Variants in MEOX1 observed in about 807,000 individuals in gnomAD.
The protein encoded by MEOX1 is mesenchyme homeobox 1, also known as homeobox protein MOX-1.
Under a neutral mutation model 23.2 loss-of-function variants are expected in MEOX1, and 17 were observed. The observed-to-expected ratio is 0.73, with a 90% CI of 0.50 to 1.10. The LOEUF is 1.10. MEOX1 is among the 50% of genes least tolerant of loss of function. The pLI, the probability that MEOX1 is intolerant of heterozygous loss-of-function variation, is 0.00. For missense variants in MEOX1, 333 were observed against 332.2 expected (o/e 1.00, Z -0.02); for synonymous variants, 134 against 135.1 (o/e 0.99, Z 0.06).
rs747977868 is a variant in MEOX1, at chr17:43,643,516, G to T, written c.614C>A (p.Ala205Glu). The change falls in exon 2 of 3, where the codon GCG becomes GAG. Residue 205 changes from alanine (A) to glutamate (E), a missense_variant. Coordinates refer to ENST00000318579, the MANE Select transcript of MEOX1 (RefSeq NM_004527.4). ...GCGCTCAGAGAGGTCCAGGTTTACCGCAATCTCATATCTGCGGAGCCGAGT... is the reference window on the plus strand; with the variant it reads ...GCGCTCAGAGAGGTCCAGGTTTACCTCAATCTCATATCTGCGGAGCCGAGT... ...YLTRLRRYEI[A>E]VNLDLSERQV... 6.2e-7 allele frequency: 1 copy of T among 1,602,366 alleles called. No individual in the cohort carries two copies.
chr17:43,646,221 A>T (rs1157943349), intron 1 of MEOX1, among the ~76,000 whole-genome samples: 4 of 151,990 alleles, frequency 2.6e-5, no homozygotes, highest in Non-Finnish European at 2.9e-5. Flanking sequence ...CGGAAGCGGG[A>T]GCGTGGGCAG....
chr17:43,652,016 C>T (rs1485492475), intron 1 of MEOX1, among the ~76,000 whole-genome samples: 1 of 152,176 alleles, frequency 6.6e-6, no homozygotes, highest in African/African-American at 2.4e-5. Context: ...CCTCTGAGTT[C>T]AGATGGTGGC....
At position 43,661,113 on chromosome 17, in the gene MEOX1, G is replaced by A. The variant is rs774122423; in HGVS notation, c.422C>T (p.Ala141Val). The A allele has an allele frequency of 1.3e-6, 2 of 1,507,292 alleles. No individual in the cohort carries two copies. The highest frequency in any genetic ancestry group is 1.4e-5 in the South Asian group (1 of 73,320). The allele number at this position is 1,507,292 out of a possible 1,614,324, so 93.4% of individuals were successfully genotyped here. A position where few individuals can be genotyped will look rare whatever the true frequency, so the allele number is the denominator to read the frequency against. Residue 141 changes from alanine (A) to valine (V), a missense_variant, in exon 1 of 3, where the codon GCC becomes GTC. Physicochemically the swap from Ala to Val is moderately conservative, Grantham distance 64. Coordinates refer to ENST00000318579, the MANE Select transcript of MEOX1 (RefSeq NM_004527.4). ...GGATGATTTCTTCTCTGTCTCATTG[G>A]CAGTGCTCCCAAGCACCCCGTAGTC... ...GDDYGVLGST[A>V]NETEKKSSRR...
At position 43,655,349 on chromosome 17, in the gene MEOX1, T is replaced by TA. The variant is rs1329016749; in HGVS notation, c.469+5716dup. Among the ~76,000 whole-genome samples the TA allele has an allele frequency of 5.9e-5, 9 of 151,754 alleles. No individual in the cohort carries two copies. The South Asian group carries it at 1.0e-3, about 18-fold the overall frequency. ...AGCTGGGCGTGGTGGCGTGTGCCTG[T>TA]AGTCCCAGCTACTTGGGAGGCTGAG... On this transcript the variant is annotated intron_variant, in intron 1 of 2. Coordinates refer to ENST00000318579, the MANE Select transcript of MEOX1 (RefSeq NM_004527.4).
chr17:43,646,378 C>T (rs149678877), intron 1 of MEOX1, among the ~76,000 whole-genome samples: 2 of 152,314 alleles, frequency 1.3e-5, no homozygotes, highest in African/African-American at 2.4e-5. Context: ...GCCCGGCCCA[C>T]GGGCCCGGAG....
At chr17:43,657,171 T>TTTC (rs1973052498) in intron 1 of MEOX1, among the ~76,000 whole-genome samples, 6 of 1,852 alleles carry the variant, frequency 3.2e-3, no homozygotes, top group South Asian at 0.012. Context: ...TCTTTCTTTC[T>TTTC]TTTTTTTTTT....
At chr17:43,657,070 CTTT>C in intron 1 of MEOX1, among the ~76,000 whole-genome samples, 3 of 113,492 alleles carry the variant, frequency 2.6e-5, no homozygotes, top group African/African-American at 8.3e-5. Flanking sequence ...TTCCTTCCTT[CTTT>C]CTTTCTTTTC....
chr17:43,659,228 A>AG (rs1973096462), intron 1 of MEOX1, among the ~76,000 whole-genome samples: 1 of 152,230 alleles, frequency 6.6e-6, no homozygotes, highest in Non-Finnish European at 1.5e-5. Context: ...AAGGAGCCAC[A>AG]GTGCTGCGTG....
intron 2 of MEOX1, 52 bp downstream of exon 2, chr17:43,643,436 A>G: frequency 6.8e-7 from 1 of 1,471,404 alleles, no homozygotes; most frequent in Non-Finnish European, 9.2e-7. Flanking sequence ...GAAAGGAGGG[A>G]AGGGAGGGAG....
chr17:43,651,632 T>C (rs989496197), intron 1 of MEOX1, among the ~76,000 whole-genome samples: 4 of 152,160 alleles, frequency 2.6e-5, no homozygotes, highest in African/African-American at 9.7e-5. Flanking sequence ...GCCCAAGTTA[T>C]GGGCAGAGAG....
chr17:43,641,816 C>G lies in MEOX1; in HGVS notation c.*94G>C. On this transcript the variant is annotated 3_prime_UTR_variant, in exon 3 of 3. Transcript: ENST00000318579. ...CAGGGAAAGATGTGGAGAGGCTGCC[C>G]TGGCTGGGGAAGGAAGAGGGTGAAG... The G allele has an allele frequency of 7.4e-7, 1 of 1,355,368 alleles. No individual in the cohort carries two copies. The highest frequency in any genetic ancestry group is 1.4e-5 in the South Asian group (1 of 72,500). 84.0% of individuals were successfully genotyped at this position (1,355,368 alleles called of 1,614,324 possible).
chr17:43,648,599 T>G (rs1331346810), intron 1 of MEOX1, among the ~76,000 whole-genome samples: 1 of 152,082 alleles, frequency 6.6e-6, no homozygotes, highest in African/African-American at 2.4e-5. Flanking sequence ...TGTGTAGAAG[T>G]ATGGGATTGG....
intron 1 of MEOX1, among the ~76,000 whole-genome samples, chr17:43,644,779 G>A (rs921387588): frequency 1.3e-5 from 2 of 152,316 alleles, no homozygotes; most frequent in East Asian, 3.9e-4. Flanking sequence ...AGCTGGGCGC[G>A]GTGGCACGCC....
At chr17:43,646,009 G>A (rs1031241642) in intron 1 of MEOX1, among the ~76,000 whole-genome samples, 1 of 152,226 alleles carries the variant, frequency 6.6e-6, no homozygotes, top group Non-Finnish European at 1.5e-5. Flanking sequence ...CCGGGAACTC[G>A]AGAAGGCGGG....
At chr17:43,645,394 A>G (rs538700182) in intron 1 of MEOX1, among the ~76,000 whole-genome samples, 43 of 152,012 alleles carry the variant, frequency 2.8e-4, no homozygotes, top group Non-Finnish European at 4.7e-4. Flanking sequence ...AGCCAGGATG[A>G]TCTCGATCTC....
intron 1 of MEOX1, among the ~76,000 whole-genome samples, chr17:43,646,274 C>T (rs1972812377): frequency 6.6e-6 from 1 of 152,100 alleles, no homozygotes; most frequent in Non-Finnish European, 1.5e-5. Context: ...CCCGAGGAGC[C>T]CTCCGGCCTT....
At chr17:43,644,078 T>G (rs543935280) in intron 1 of MEOX1, among the ~76,000 whole-genome samples, 11 of 152,280 alleles carry the variant, frequency 7.2e-5, no homozygotes, top group African/African-American at 2.4e-4. Flanking sequence ...ACCTGAGAGC[T>G]TGTTACAAAT....
chr17:43,642,059 T>C, intron 2 of MEOX1, 27 bp from the exon 3 acceptor site: 1 of 1,606,570 alleles, frequency 6.2e-7, no homozygotes, highest in Non-Finnish European at 8.5e-7. Context: ...AGGAGCCTGG[T>C]CACTCCAGGG....
At chr17:43,657,213 G>C (rs1973054830) in intron 1 of MEOX1, among the ~76,000 whole-genome samples, 1 of 128,846 alleles carries the variant, frequency 7.8e-6, no homozygotes, top group African/African-American at 2.9e-5. Flanking sequence ...CTGTCACCCA[G>C]GCTGAATGAA....
Sources: gnomAD v4.1 joint callset for allele counts (sites outside exome capture counted in the v4.1 genomes callset) on GRCh38, gnomAD v4.1.1 for gene constraint, MANE v1.5 for transcripts, NCBI Gene and HGNC (gene_info 2026-07-23, HGNC 2026-07-21) for gene names.